FANCD2OS: variants seen among roughly 807,000 people sequenced by gnomAD.
FANCD2OS encodes the protein FANCD2 opposite strand.
Under a neutral mutation model 13.2 loss-of-function variants are expected in FANCD2OS, and 11 were observed. The observed-to-expected ratio is 0.83, with a 90% CI of 0.52 to 1.38. The LOEUF is 1.38. Ranked by LOEUF, FANCD2OS falls within the 40% of genes most tolerant of loss-of-function variation. The pLI is 0.00. For missense variants in FANCD2OS, 217 were observed against 213.9 expected (o/e 1.01, Z -0.09); for synonymous variants, 69 against 84.5 (o/e 0.82, Z 1.01).
intron 2 of FANCD2OS, among the ~76,000 whole-genome samples, chr3:10,095,933 G>A (rs1694931262): frequency 6.6e-6 from 1 of 150,496 alleles, no homozygotes; most frequent in African/African-American, 2.5e-5. Context: ...CCAGGCCGGA[G>A]TGCAGTGGCA....
downstream of FANCD2OS, among the ~76,000 whole-genome samples, chr3:10,100,490 G>C (rs921790692): frequency 6.6e-6 from 1 of 152,126 alleles, no homozygotes. Flanking sequence ...TCCTGCCTCA[G>C]CCTTCCAAGT....
rs779042792 is a variant in FANCD2OS at position 10,104,766 on chromosome 3, T to A, written c.9A>T (p.Gly3=). The part of the protein sequence containing the change: MA[G]YQLWSPWTPL... The stretch of plus-strand genomic sequence containing the variant: ...GGGTCCATGGTGACCAGAGCTGGTA[T>A]CCTGCCATTGACAGTCCTAAAGGAG... The change falls in exon 2 of 2, where the codon GGA becomes GGT. Residue 3 remains glycine (G), a synonymous_variant. Coordinates refer to ENST00000450660, the MANE Select transcript of FANCD2OS (RefSeq NM_001164839.2). 1.6e-5 allele frequency: 25 copies of A among 1,581,480 alleles called. No homozygotes were observed. The highest frequency in any genetic ancestry group is 1.7e-5 in the Non-Finnish European group (20 of 1,162,376).
At chr3:10,098,577 A>C (rs1449554922), downstream of FANCD2OS, 3 of 950,992 alleles carry the variant, frequency 3.2e-6, no homozygotes, top group Non-Finnish European at 4.7e-6. Flanking sequence ...CTAGATGCTG[A>C]ATCACAAGTT....
intron 2 of FANCD2OS, among the ~76,000 whole-genome samples, chr3:10,082,817 A>G (rs141910244): frequency 2.0e-5 from 3 of 152,248 alleles, no homozygotes; most frequent in African/African-American, 4.8e-5. Flanking sequence ...CTTTCCTGCT[A>G]GACTCTGAGC....
At chr3:10,098,802 G>A, downstream of FANCD2OS, 1 of 1,614,184 alleles carries the variant, frequency 6.2e-7, no homozygotes, top group Non-Finnish European at 8.5e-7. Context: ...GCCTCCAAGA[G>A]CAAAGCCACT....
downstream of FANCD2OS, chr3:10,101,139 C>T (rs1419907540): frequency 2.1e-6 from 3 of 1,403,804 alleles, no homozygotes; most frequent in East Asian, 6.8e-5. Flanking sequence ...CCAGAGGTCA[C>T]CCAGAGCAGT....
rs538723531 is a variant in FANCD2OS at position 10,104,900 on chromosome 3, A to G, written c.-8-118T>C. The G allele has an allele frequency of 5.4e-6, 4 of 734,726 alleles. No homozygotes were observed. In the African/African-American group the frequency reaches 7.0e-5, roughly 13 times the overall value. 45.5% of individuals were successfully genotyped at this position (734,726 alleles called of 1,614,324 possible). ...ATAAACTTGTTCTATAGTTCCCATG[A>G]ATAGATTCCAACAGGTGTTAGGATA... On this transcript the variant is annotated intron_variant, in intron 1 of 1. Transcript: ENST00000450660.
chr3:10,081,916 G>A (rs1693862243), intron 2 of FANCD2OS, among the ~76,000 whole-genome samples: 1 of 152,192 alleles, frequency 6.6e-6, no homozygotes, highest in Non-Finnish European at 1.5e-5. Flanking sequence ...TAGAACTAAG[G>A]GAGGTGTGCC....
At chr3:10,101,809 C>T, downstream of FANCD2OS, 1 of 197,852 alleles carries the variant, frequency 5.1e-6, no homozygotes, top group African/African-American at 2.3e-5. Context: ...CCCAGCTGTG[C>T]TACACTGCAG....
chr3:10,096,225 G>T (rs191786004), intron 2 of FANCD2OS: 77 of 1,246,774 alleles, frequency 6.2e-5, no homozygotes, highest in Non-Finnish European at 9.0e-5. Context: ...GCCCATACTG[G>T]CAGGGCTTGT....
At chr3:10,096,513 T>C (rs775806507) in intron 2 of FANCD2OS, 11 of 1,601,734 alleles carry the variant, frequency 6.9e-6, no homozygotes, top group Non-Finnish European at 9.4e-6. Flanking sequence ...CCTACTCTTA[T>C]TCTTTGTGAC....
At chr3:10,093,570 G>T (rs556032259) in intron 2 of FANCD2OS, among the ~76,000 whole-genome samples, 1 of 152,342 alleles carries the variant, frequency 6.6e-6, no homozygotes, top group African/African-American at 2.4e-5. Flanking sequence ...CTTCAGGGCA[G>T]TTGAGTTTAG....
intron 2 of FANCD2OS, chr3:10,093,217 C>T (rs1333596632): frequency 1.1e-5 from 13 of 1,222,602 alleles, no homozygotes; most frequent in African/African-American, 3.0e-5. Flanking sequence ...CTTTGCGCAG[C>T]GGGAAAGAGG....
chr3:10,092,540 A>T (rs539291890), intron 2 of FANCD2OS, among the ~76,000 whole-genome samples: 3 of 150,304 alleles, frequency 2.0e-5, no homozygotes, highest in African/African-American at 7.4e-5. Context: ...TGGATCCTCT[A>T]TGATCTGAGC....
chr3:10,088,688 G>A, intron 2 of FANCD2OS: 3 of 1,114,684 alleles, frequency 2.7e-6, no homozygotes, highest in Non-Finnish European at 4.1e-6. Flanking sequence ...TGGAACATGT[G>A]GATCTTAAGA....
At chr3:10,106,683 G>A (rs1468753433) in intron 1 of FANCD2OS, among the ~76,000 whole-genome samples, 1 of 152,198 alleles carries the variant, frequency 6.6e-6, no homozygotes, top group East Asian at 1.9e-4. Context: ...GGAGGCCGAG[G>A]TGGGTGGATC....
At chr3:10,089,060 A>C in intron 2 of FANCD2OS, 1 of 1,252,556 alleles carries the variant, frequency 8.0e-7, no homozygotes. Flanking sequence ...AGGCAGGAGG[A>C]TCACCTTGAG....
intron 1 of FANCD2OS, among the ~76,000 whole-genome samples, chr3:10,107,518 C>A (rs1695533221): frequency 6.6e-6 from 1 of 151,944 alleles, no homozygotes; most frequent in African/African-American, 2.4e-5. Flanking sequence ...GATCTCCTGA[C>A]CTCGTGATCC....
intron 1 of FANCD2OS, among the ~76,000 whole-genome samples, chr3:10,105,256 T>G (rs771756811): frequency 1.3e-5 from 2 of 152,340 alleles, no homozygotes; most frequent in African/African-American, 2.4e-5. Context: ...TTCACAAGCC[T>G]TTGGAAGTAG....
Sources: gnomAD v4.1 joint callset for allele counts (sites outside exome capture counted in the v4.1 genomes callset) on GRCh38, gnomAD v4.1.1 for gene constraint, MANE v1.5 for transcripts, NCBI Gene and HGNC (gene_info 2026-07-23, HGNC 2026-07-21) for gene names.